LRTM3: variants seen among roughly 807,000 people sequenced by gnomAD.
LRTM3 encodes the protein leucine rich repeat transmembrane protein 3, also known as leucine-rich repeat transmembrane protein 3.
At chr13:102,735,338 T>A in the LRTM3 span, 1 of 1,551,310 alleles carries the variant, frequency 6.4e-7, no homozygotes, top group Non-Finnish European at 8.7e-7. Context: ...ATGGGTTGCT[T>A]CTGGACATGC....
the LRTM3 span, chr13:102,739,752 T>C: frequency 6.5e-7 from 1 of 1,549,270 alleles, no homozygotes; most frequent in African/African-American, 1.4e-5. Context: ...TTAACATTAC[T>C]TGAGATCACC....
At chr13:102,735,752 G>C in the LRTM3 span, 1 of 1,546,988 alleles carries the variant, frequency 6.5e-7, no homozygotes, top group Non-Finnish European at 8.7e-7. Flanking sequence ...GCCTGAATCT[G>C]ATGAATCCTG....
chr13:102,742,819 A>G, the LRTM3 span: 1 of 1,550,478 alleles, frequency 6.4e-7, no homozygotes, highest in African/African-American at 1.4e-5. Flanking sequence ...CTGCCAAATT[A>G]CAGAAAGCAT....
the LRTM3 span, chr13:102,736,155 T>C: frequency 1.3e-6 from 2 of 1,545,606 alleles, no homozygotes; most frequent in Admixed American, 2.0e-5. Flanking sequence ...CCTGATGATA[T>C]AGGAAGCTTT....
At chr13:102,754,205 CAA>C in the LRTM3 span, among the ~76,000 whole-genome samples, 99 of 77,272 alleles carry the variant, frequency 1.3e-3, 1 homozygote, top group South Asian at 1.9e-3. Context: ...ACTCCATCTC[CAA>C]AAAAAAAAAA....
the LRTM3 span, chr13:102,730,072 A>T: frequency 3.9e-6 from 6 of 1,551,142 alleles, no homozygotes; most frequent in African/African-American, 6.8e-5. Context: ...ACCAGTCAGG[A>T]GATTTCATTT....
At chr13:102,755,434 A>G in the LRTM3 span, among the ~76,000 whole-genome samples, 88 of 152,338 alleles carry the variant, frequency 5.8e-4, 1 homozygote, top group African/African-American at 2.1e-3. Flanking sequence ...GATAAAAAAA[A>G]TGTGGTACAT....
chr13:102,738,334 T>C, the LRTM3 span: 9 of 1,550,840 alleles, frequency 5.8e-6, no homozygotes, highest in Non-Finnish European at 7.8e-6. Context: ...ATTTTTGGTG[T>C]GATAGTTCTG....
chr13:102,733,351 C>T, the LRTM3 span: 2 of 1,551,184 alleles, frequency 1.3e-6, no homozygotes, highest in Non-Finnish European at 1.7e-6. Flanking sequence ...CTTCCTTTGG[C>T]TTATCAAATT....
chr13:102,746,187 T>C, the LRTM3 span: 1 of 1,551,104 alleles, frequency 6.4e-7, no homozygotes, highest in Non-Finnish European at 8.7e-7. Context: ...AGCTCCAGTG[T>C]TAAACAGTTC....
the LRTM3 span, among the ~76,000 whole-genome samples, chr13:102,755,825 G>T: frequency 1.2e-4 from 18 of 146,704 alleles, no homozygotes; most frequent in Non-Finnish European, 2.2e-4. Flanking sequence ...AGGTGTCAAT[G>T]GTTAAAAATA....
the LRTM3 span, chr13:102,736,177 A>T: frequency 1.1e-3 from 1,664 of 1,547,204 alleles, 20 homozygotes; most frequent in African/African-American, 0.02. Context: ...GTTGTGAAGG[A>T]GAGAATCTAT....
chr13:102,730,987 T>G, the LRTM3 span: 1 of 1,551,510 alleles, frequency 6.4e-7, no homozygotes, highest in Non-Finnish European at 8.7e-7. Context: ...CATAAGATTC[T>G]CTTACAATTC....
the LRTM3 span, chr13:102,745,357 T>C: frequency 1.7e-5 from 27 of 1,550,646 alleles, no homozygotes; most frequent in African/African-American, 3.6e-4. Flanking sequence ...GTCTTTTTTC[T>C]CTTAGCGTGT....
chr13:102,729,586 G>A, the LRTM3 span: 29 of 1,534,438 alleles, frequency 1.9e-5, no homozygotes, highest in Non-Finnish European at 2.5e-5. Context: ...AGGTTTCAGG[G>A]GGAATAGTCC....
At chr13:102,730,242 T>G in the LRTM3 span, 1 of 1,551,276 alleles carries the variant, frequency 6.4e-7, no homozygotes, top group African/African-American at 1.4e-5. Flanking sequence ...TCCAAAGGAA[T>G]GCCTGTCTGT....
At chr13:102,735,817 A>T in the LRTM3 span, 1 of 1,543,094 alleles carries the variant, frequency 6.5e-7, no homozygotes, top group Non-Finnish European at 8.7e-7. Context: ...CTTCCTTTTC[A>T]TTCCTTCTAG....
the LRTM3 span, chr13:102,749,017 T>A: frequency 1.7e-5 from 27 of 1,550,686 alleles, no homozygotes; most frequent in Non-Finnish European, 2.2e-5. Context: ...TCACTAGTTG[T>A]TTTCTGGAAT....
chr13:102,758,613 C>T, the LRTM3 span: 13 of 1,526,170 alleles, frequency 8.5e-6, no homozygotes, highest in South Asian at 2.5e-5. Flanking sequence ...GAGGAGTAAT[C>T]GGAGTATCAA....
Sources: gnomAD v4.1 joint callset for allele counts (sites outside exome capture counted in the v4.1 genomes callset) on GRCh38, gnomAD v4.1.1 for gene constraint, MANE v1.5 for transcripts, NCBI Gene and HGNC (gene_info 2026-07-23, HGNC 2026-07-21) for gene names.